SLIT1: variants seen among roughly 807,000 people sequenced by gnomAD.
SLIT1 encodes slit guidance ligand 1, also known as slit homolog 1 protein.
Under a neutral mutation model 186.1 loss-of-function variants are expected in SLIT1, and 66 were observed. The ratio of observed to expected loss-of-function variants is 0.35; its 90% CI spans 0.29 to 0.44. The LOEUF (loss-of-function observed/expected upper bound fraction) is 0.44, where lower values mean the gene tolerates loss of function less well. SLIT1 is among the 20% of genes least tolerant of loss of function. The pLI, the probability that SLIT1 is intolerant of heterozygous loss-of-function variation, is 1.00. For missense variants in SLIT1, 1,638 were observed against 2,037.4 expected (o/e 0.80, Z 3.77); for synonymous variants, 761 against 833.8 (o/e 0.91, Z 1.50).
chr10:97,173,904 A>G (rs1850223641), intron 1 of SLIT1, among the ~76,000 whole-genome samples: 1 of 152,188 alleles, frequency 6.6e-6, no homozygotes, highest in Admixed American at 6.5e-5. Flanking sequence ...CAGGGGGTAG[A>G]AGAATAATTA....
intron 4 of SLIT1, among the ~76,000 whole-genome samples, chr10:97,120,183 T>A (rs1363474486): frequency 6.6e-6 from 1 of 151,722 alleles, no homozygotes; most frequent in East Asian, 1.9e-4. Flanking sequence ...AGGTGCAGGG[T>A]CAGATTCAGC....
At chr10:97,099,915 G>A (rs1159868458) in intron 4 of SLIT1, among the ~76,000 whole-genome samples, 1 of 152,200 alleles carries the variant, frequency 6.6e-6, no homozygotes, top group East Asian at 1.9e-4. Context: ...CTCCATTTGA[G>A]CCTCACGTTG....
chr10:97,106,380 GAC>G (rs956824021), intron 4 of SLIT1, among the ~76,000 whole-genome samples: 6 of 136,474 alleles, frequency 4.4e-5, no homozygotes, highest in Admixed American at 3.1e-4. Context: ...GAGGGAGAGA[GAC>G]AGAGAGAATG....
intron 4 of SLIT1, among the ~76,000 whole-genome samples, chr10:97,073,471 C>G (rs1188592469): frequency 6.6e-6 from 1 of 152,166 alleles, no homozygotes; most frequent in Non-Finnish European, 1.5e-5. Flanking sequence ...AGGGCCTGTC[C>G]CAGCCCGGGG....
At chr10:97,001,709 C>A (rs1312211912) in intron 36 of SLIT1, among the ~76,000 whole-genome samples, 1 of 152,064 alleles carries the variant, frequency 6.6e-6, no homozygotes, top group Non-Finnish European at 1.5e-5. Context: ...CCTTAAGGTG[C>A]CTGAGTTCTG....
In SLIT1 at chr10:97,057,712, A is replaced by C. The variant is rs529937379; in HGVS notation, c.1086-431T>G. The C allele has an allele frequency of 4.4e-5, 19 of 435,712 alleles. 1 individual carries two copies. In the East Asian group the frequency reaches 5.1e-4, roughly 12 times the overall value. The allele number at this position is 435,712 out of a possible 1,614,324, so 27.0% of individuals were successfully genotyped here. A position where few individuals can be genotyped will look rare whatever the true frequency, so the allele number is the denominator to read the frequency against. On this transcript the variant is annotated intron_variant, in intron 11 of 36. Coordinates refer to ENST00000266058, the MANE Select transcript of SLIT1 (RefSeq NM_003061.3). ...AGGAAAAAATAGAATGCCAGACGGCATATGCAGTGTGAGATCCGGATGGTG... is the reference window on the plus strand; with the variant it reads ...AGGAAAAAATAGAATGCCAGACGGCCTATGCAGTGTGAGATCCGGATGGTG...
In SLIT1 at chr10:97,010,543, T is replaced by A. The variant is rs1848401533; in HGVS notation, c.3341+450A>T. 6.6e-6 allele frequency among the ~76,000 whole-genome samples: 1 copy of A among 152,246 alleles called. No individual in the cohort carries two copies. Among genetic ancestry groups the A allele is most frequent in the African/African-American group, 2.4e-5 (1 of 41,468 alleles). ...AGTCATGGAATTTTACATGTAACTGTGTAAACTGTATGGTACATGAATTAT... is the reference window on the plus strand; with the variant it reads ...AGTCATGGAATTTTACATGTAACTGAGTAAACTGTATGGTACATGAATTAT... On this transcript the variant is annotated intron_variant, in intron 31 of 36. Coordinates refer to ENST00000266058, the MANE Select transcript of SLIT1 (RefSeq NM_003061.3). This position sits in a 1 kb window ranked among gnomAD's most constrained non-coding sequence, Gnocchi z 4.8.
intron 4 of SLIT1, among the ~76,000 whole-genome samples, chr10:97,150,527 T>C (rs1476977359): frequency 6.6e-6 from 1 of 151,932 alleles, no homozygotes; most frequent in Non-Finnish European, 1.5e-5. Flanking sequence ...GTTATGGTGG[T>C]CCTTACAGCA....
chr10:97,034,323 TC>T lies in SLIT1; in HGVS notation c.2438+147del. The stretch of plus-strand genomic sequence containing the variant: ...CACAATGAAAGATGTTTTTTCAAAG[TC>T]TTTTAGGCTCTCAGGCCCGGCACCC... On this transcript the variant is annotated intron_variant, in intron 23 of 36. Coordinates refer to ENST00000266058, the MANE Select transcript of SLIT1 (RefSeq NM_003061.3). 3 of 673,508 alleles carry T rather than the reference TC, an allele frequency of 4.5e-6. No individual in the cohort carries two copies. In the Admixed American group the frequency reaches 6.9e-5, roughly 16 times the overall value. The allele number at this position is 673,508 out of a possible 1,614,324, so 41.7% of individuals were successfully genotyped here.
chr10:97,174,698 C>T (rs1850234214), intron 1 of SLIT1, among the ~76,000 whole-genome samples: 1 of 152,144 alleles, frequency 6.6e-6, no homozygotes, highest in Admixed American at 6.5e-5. Flanking sequence ...ATTTAAGCCT[C>T]GCAGTAGTAC....
chr10:97,043,337 C>A lies in SLIT1; in HGVS notation c.1997+33G>T, dbSNP rs201493185. 11 of 1,611,312 alleles carry A rather than the reference C, an allele frequency of 6.8e-6. No individual in the cohort carries two copies. In the African/African-American group the frequency reaches 1.3e-4, roughly 20 times the overall value. On this transcript the variant is annotated intron_variant, in intron 19 of 36. Coordinates refer to ENST00000266058, the MANE Select transcript of SLIT1 (RefSeq NM_003061.3). The surrounding 1 kb of genome is among the most constrained non-coding windows in gnomAD (Gnocchi z 7.0). Reference sequence around the variant, plus strand: ...GACGGTTGGGACGGTTGCTCCAGAGCCCCCGCCCGCCTGTCCTGGAGGCCG... The same window carrying A: ...GACGGTTGGGACGGTTGCTCCAGAGACCCCGCCCGCCTGTCCTGGAGGCCG...
intron 4 of SLIT1, among the ~76,000 whole-genome samples, chr10:97,091,435 G>GA (rs1203384941): frequency 3.3e-5 from 5 of 152,126 alleles, no homozygotes; most frequent in African/African-American, 1.2e-4. Context: ...CTGTCTGGTA[G>GA]AAAAAATAAC....
intron 4 of SLIT1, among the ~76,000 whole-genome samples, chr10:97,126,321 C>G (rs1849603290): frequency 6.6e-6 from 1 of 152,194 alleles, no homozygotes; most frequent in Non-Finnish European, 1.5e-5. Flanking sequence ...GAGACGAAGA[C>G]CCCACGGGGT....
chr10:97,063,333 G>C, intron 8 of SLIT1, 122 bp downstream of exon 8: 2 of 1,057,482 alleles, frequency 1.9e-6, no homozygotes, highest in Non-Finnish European at 1.4e-6. Context: ...GTGGGGCCAG[G>C]TGATGGGCGG....
At chr10:97,149,162 A>T (rs1589411704) in intron 4 of SLIT1, among the ~76,000 whole-genome samples, 1 of 152,230 alleles carries the variant, frequency 6.6e-6, no homozygotes, top group East Asian at 1.9e-4. Context: ...GCCAGGCACC[A>T]GGGCTGTGTC....
chr10:97,004,105 A>G lies in SLIT1; in HGVS notation c.3828T>C (p.His1276=). The change falls in exon 34 of 37, where the codon CAT becomes CAC. Residue 1276 remains histidine, a synonymous_variant. Coordinates refer to ENST00000266058, the MANE Select transcript of SLIT1 (RefSeq NM_003061.3). The surrounding 1 kb of genome is among the most constrained non-coding windows in gnomAD (Gnocchi z 5.1). ...SPMTMDNFGK[H]YTLNSEAPLY... ...GTGGCGCCTCGCTGTTGAGCGTGTAATGTTTGCCAAAGTTGTCCATGGTCA... is the reference window on the plus strand; with the variant it reads ...GTGGCGCCTCGCTGTTGAGCGTGTAGTGTTTGCCAAAGTTGTCCATGGTCA... The G allele has an allele frequency of 6.2e-7, 1 of 1,613,536 alleles. No homozygotes were observed. Among genetic ancestry groups the G allele is most frequent in the East Asian group, 2.2e-5 (1 of 44,862 alleles).
chr10:97,135,271 A>C (rs1268033141), intron 4 of SLIT1, among the ~76,000 whole-genome samples: 1 of 151,948 alleles, frequency 6.6e-6, no homozygotes, highest in Admixed American at 6.6e-5. Context: ...TCTGTCCATA[A>C]CAGTTCGGCC....
intron 25 of SLIT1, among the ~76,000 whole-genome samples, chr10:97,027,920 G>A (rs1200745048): frequency 6.6e-6 from 1 of 152,120 alleles, no homozygotes; most frequent in African/African-American, 2.4e-5. Flanking sequence ...AAGGGGGGGC[G>A]GAAATGCAAA....
At chr10:97,123,627 T>G (rs189866118) in intron 4 of SLIT1, among the ~76,000 whole-genome samples, 1 of 151,876 alleles carries the variant, frequency 6.6e-6, no homozygotes, top group African/African-American at 2.4e-5. Flanking sequence ...CCGTCTCTAC[T>G]AAAAATACAA....
Sources: gnomAD v4.1 joint callset for allele counts (sites outside exome capture counted in the v4.1 genomes callset) on GRCh38, gnomAD v4.1.1 for gene constraint, Gnocchi (gnomAD v3.1) non-coding constraint, MANE v1.5 for transcripts, NCBI Gene and HGNC (gene_info 2026-07-23, HGNC 2026-07-21) for gene names.